The following FLNC variants were observed in gnomAD, a reference collection of about 807,000 sequenced individuals.
FLNC encodes filamin C, also known as filamin-C.
In FLNC, 91 loss-of-function variants were observed where a neutral mutation model predicts 254.3. That is an observed-to-expected ratio of 0.36 (90% CI 0.30 to 0.43). The LOEUF (loss-of-function observed/expected upper bound fraction) is 0.43. Ranked by LOEUF, FLNC falls within the 20% of genes least tolerant of loss-of-function variation. The pLI is 1.00. For synonymous variants in FLNC, 1,430 were observed against 1,577.2 expected (o/e 0.91, Z 2.21); for missense variants, 2,853 against 3,802.6 (o/e 0.75, Z 6.57).
Position 128,842,181 on chromosome 7 carries a change from G to A in FLNC, c.2122-50G>A, listed in dbSNP as rs771884346. The A allele has an allele frequency of 1.4e-5, 23 of 1,601,872 alleles. No homozygotes were observed. In the African/African-American group the frequency reaches 2.7e-4, roughly 19 times the overall value. On this transcript the variant is annotated intron_variant, in intron 13 of 47. Coordinates refer to ENST00000325888, the MANE Select transcript of FLNC (RefSeq NM_001458.5). The surrounding 1 kb of genome is among the most constrained non-coding windows in gnomAD (Gnocchi z 5.4). ...TGGGTTCACCTGCGGCCAGCAGAGG[G>A]CGCTCTGCAGAGGCCACAGCTATGA... is the stretch of plus-strand genomic sequence containing the variant.
intron 1 of FLNC, among the ~76,000 whole-genome samples, chr7:128,834,027 T>C (rs1416302886): frequency 6.6e-6 from 1 of 151,968 alleles, no homozygotes; most frequent in Non-Finnish European, 1.5e-5. Flanking sequence ...TTTCCCAGGC[T>C]CTCGGTCTCC....
At position 128,852,839 on chromosome 7, in the gene FLNC, A is replaced by T; in HGVS notation, c.6016A>T (p.Thr2006Ser). 1 of 1,613,528 alleles carries T rather than the reference A, an allele frequency of 6.2e-7. No individual in the cohort carries two copies. The highest frequency in any genetic ancestry group is 8.5e-7 in the Non-Finnish European group (1 of 1,179,972). The change falls in exon 37 of 48, where the codon ACC (threonine) becomes TCC (serine). Residue 2006 changes from threonine to serine, a missense_variant. Transcript: ENST00000325888. ...CCCACTTTCCACAGGGATCTCCTTC[A>T]CCCCCAAGGAGGTCGGGGAGCACGT... The part of the protein sequence containing the change: ...LPNRHIGISF[T>S]PKEVGEHVVS...
chr7:128,857,546 C>T lies in FLNC; in HGVS notation c.7780+210C>T, dbSNP rs1374768731. ...TGCCATTCTTCCTCTCCATCGTGGC[C>T]CCTCACTCCTTCAGCTCTGGCCTGC... On this transcript the variant is annotated intron_variant, in intron 46 of 47. Transcript: ENST00000325888. The surrounding 1 kb of genome is among the most constrained non-coding windows in gnomAD (Gnocchi z 4.5). Among the ~76,000 whole-genome samples, 16 of 150,938 alleles carry T rather than the reference C, an allele frequency of 1.1e-4. No homozygotes were observed. The highest frequency in any genetic ancestry group is 2.1e-4 in the Non-Finnish European group (14 of 68,000).
chr7:128,843,529 A>C lies in FLNC; in HGVS notation c.2763A>C (p.Ile921=). Residue 921 remains isoleucine, a synonymous_variant, in exon 18 of 48, where the codon ATA becomes ATC. Transcript: ENST00000325888. The part of the protein sequence containing the change: ...KGEVVRDFEI[I]DNHDYSYTVK... ...AGGTTGTGCGGGACTTTGAGATCAT[A>C]GACAACCATGACTACTCCTACACTG... The C allele has an allele frequency of 6.2e-7, 1 of 1,613,944 alleles. No individual in the cohort carries two copies. Among genetic ancestry groups the C allele is most frequent in the Non-Finnish European group, 8.5e-7 (1 of 1,180,012 alleles).
At chr7:128,848,766 G>C in intron 27 of FLNC, 27 bp from the exon 28 acceptor site, 1 of 1,614,112 alleles carries the variant, frequency 6.2e-7, no homozygotes, top group Non-Finnish European at 8.5e-7. Flanking sequence ...AGGCACAGGC[G>C]GGCCTTGACC....
In FLNC at chr7:128,857,110, GC is replaced by G; in HGVS notation, c.7562-3del. On this transcript the variant is annotated splice_polypyrimidine_tract_variant and splice_region_variant and intron_variant, in intron 45 of 47. Coordinates refer to ENST00000325888, the MANE Select transcript of FLNC (RefSeq NM_001458.5). The surrounding 1 kb of genome is among the most constrained non-coding windows in gnomAD (Gnocchi z 4.5). ...CCTGCCCTCAGCCTTGCTACCTCTG[GC>G]CCCCAGGTGTGTCATCAGAGTTCAT... is the stretch of plus-strand genomic sequence containing the variant. 2 of 1,613,622 alleles carry G rather than the reference GC, an allele frequency of 1.2e-6. No individual in the cohort carries two copies. Among genetic ancestry groups the G allele is most frequent in the Non-Finnish European group, 1.7e-6 (2 of 1,179,664 alleles).
rs1034483511 is a variant in FLNC at position 128,854,563 on chromosome 7, G to A, written c.6878G>A (p.Arg2293His). ...CCCCATACGGTCGCTGTCAAGTACC[G>A]TGGCCAGCACGTGCCCGGCAGCCCC... ...MGPHTVAVKYRGQHVPGSPFQ... is the reference protein window; with the variant it reads ...MGPHTVAVKYHGQHVPGSPFQ... Residue 2293 changes from arginine to histidine, a missense_variant, in exon 41 of 48, where the codon CGT becomes CAT. Physicochemically the swap from Arg to His is conservative, Grantham distance 29. Transcript: ENST00000325888. 6.2e-6 allele frequency: 10 copies of A among 1,608,556 alleles called. No homozygotes were observed. The highest frequency in any genetic ancestry group is 2.2e-5 in the East Asian group (1 of 44,680).
chr7:128,851,378 C>T lies in FLNC; in HGVS notation c.5668+18C>T, dbSNP rs540465449. ...TGGAGAAGGTGAGGGAGCTGCAGGT[C>T]GCAGGCTGGGGTGGAGACTCACCAG... On this transcript the variant is annotated intron_variant, in intron 34 of 47. Transcript: ENST00000325888. The T allele has an allele frequency of 6.1e-5, 98 of 1,614,056 alleles. No homozygotes were observed. Among genetic ancestry groups the T allele is most frequent in the Non-Finnish European group, 7.9e-5 (93 of 1,180,040 alleles).
chr7:128,849,903 G>T, intron 30 of FLNC, 73 bp from the exon 31 acceptor site: 1 of 1,088,128 alleles, frequency 9.2e-7, no homozygotes, highest in Admixed American at 1.9e-5. Context: ...TCAGGTTCCT[G>T]GGCCATTCTC....
At position 128,840,693 on chromosome 7, in the gene FLNC, C is replaced by T. The variant is rs768029188; in HGVS notation, c.1676+19C>T. On this transcript the variant is annotated intron_variant, in intron 10 of 47. Coordinates refer to ENST00000325888, the MANE Select transcript of FLNC (RefSeq NM_001458.5). ...CTCGCAGGTGAGTACCTTGCGCCCC[C>T]CATGCTGTCCTGTCTAGGCCATCAC... 1 of 1,612,684 alleles carries T rather than the reference C, an allele frequency of 6.2e-7. No individual in the cohort carries two copies. Among genetic ancestry groups the T allele is most frequent in the South Asian group, 1.1e-5 (1 of 91,040 alleles).
intron 10 of FLNC, 45 bp from the exon 11 acceptor site, chr7:128,840,789 T>TG (rs781393723): frequency 6.2e-7 from 1 of 1,613,448 alleles, no homozygotes. Context: ...CGAGGGACTT[T>TG]GGGGGGCACT....
intron 39 of FLNC, 62 bp downstream of exon 39, chr7:128,853,899 C>T: frequency 1.2e-6 from 2 of 1,612,984 alleles, no homozygotes; most frequent in South Asian, 1.1e-5. Flanking sequence ...CGGGCCAGAG[C>T]CCACCTGTCG....
rs1284254016 is a variant in FLNC, at chr7:128,838,201, G to A, written c.1048-66G>A. 4 of 1,556,618 alleles carry A rather than the reference G, an allele frequency of 2.6e-6. No individual in the cohort carries two copies. The African/African-American group carries it at 4.1e-5, about 16-fold the overall frequency. On this transcript the variant is annotated intron_variant, in intron 6 of 47. Transcript: ENST00000325888. ...GCCTCTCACCCTCCTTGGCCTGGCT[G>A]TGCCCCTCTGCCCCCTCTCAGGACT... is the stretch of plus-strand genomic sequence containing the variant.
At chr7:128,855,045 C>A in intron 42 of FLNC, 133 bp downstream of exon 42, 2 of 1,095,014 alleles carry the variant, frequency 1.8e-6, no homozygotes, top group African/African-American at 1.5e-5. Flanking sequence ...TCCTCTGCCC[C>A]GTCTCCCTCT....
Position 128,844,664 on chromosome 7 carries a change from G to T in FLNC, c.3199G>T (p.Ala1067Ser), listed in dbSNP as rs1180908608. 1 of 1,611,944 alleles carries T rather than the reference G, an allele frequency of 6.2e-7. No individual in the cohort carries two copies. Among genetic ancestry groups the T allele is most frequent in the Non-Finnish European group, 8.5e-7 (1 of 1,179,982 alleles). Residue 1067 changes from alanine (A) to serine (S), a missense_variant, in exon 21 of 48, where the codon GCT becomes TCT. Ala to Ser is a moderately conservative substitution (Grantham distance 99). Coordinates refer to ENST00000325888, the MANE Select transcript of FLNC (RefSeq NM_001458.5). ...AACCTGCCTCTTCCCCTAGGTCTGTGCTTATGGCCCGGGTCTCAAGGGTGG... is the reference window on the plus strand; with the variant it reads ...AACCTGCCTCTTCCCCTAGGTCTGTTCTTATGGCCCGGGTCTCAAGGGTGG... ...VLPPDPSKVC[A>S]YGPGLKGGLV...
At chr7:128,846,661 T>TTTCCTCCCTGTCCCCCC in intron 23 of FLNC, 84 bp from the exon 24 acceptor site, 1 of 1,465,596 alleles carries the variant, frequency 6.8e-7, no homozygotes, top group Non-Finnish European at 9.3e-7. Flanking sequence ...GCCTGCCCTC[T>TTTCCTCCCTGTCCCCCC]TTCCTCCCTG....
rs769865678 is a variant in FLNC, at chr7:128,844,024, C to G, written c.2950C>G (p.Gln984Glu). 1.2e-6 allele frequency: 2 copies of G among 1,614,138 alleles called. No homozygotes were observed. Among genetic ancestry groups the G allele is most frequent in the South Asian group, 1.1e-5 (1 of 91,082 alleles). Residue 984 changes from glutamine (Q) to glutamate (E), a missense_variant, in exon 20 of 48, where the codon CAA becomes GAA. By Grantham distance (29) the Gln-to-Glu change is conservative. Transcript: ENST00000325888. ...CGCAGAGGTGGCTGTGGGACAGGAA[C>G]AAGCATTCTCTGTGAACACACGAGG... ...LNSKVAVGQE[Q>E]AFSVNTRGAG...
rs572932306 is a variant in FLNC at position 128,830,439 on chromosome 7, A to G, written c.-199A>G. The G allele has an allele frequency of 8.6e-3, 5,136 of 595,076 alleles. 29 individuals carry two copies. The highest frequency in any genetic ancestry group is 8.9e-3 in the Non-Finnish European group (3,013 of 337,648). The allele number at this position is 595,076 out of a possible 1,614,324, so 36.9% of individuals were successfully genotyped here. A position where few individuals can be genotyped will look rare whatever the true frequency, so the allele number is the denominator to read the frequency against. ...CGAGCACCGCTCCGGCCCTGGAGGG[A>G]GAGAGAGCCAGAGAGCGGCCGAGCG... On this transcript the variant is annotated 5_prime_UTR_variant, in exon 1 of 48. Coordinates refer to ENST00000325888, the MANE Select transcript of FLNC (RefSeq NM_001458.5).
At position 128,841,291 on chromosome 7, in the gene FLNC, C is replaced by T. The variant is rs780521384; in HGVS notation, c.1935C>T (p.Asp645=). ...PGEYAVHVIC[D]DEDIRDSPFI... Reference sequence around the variant, plus strand: ...AGTACGCTGTGCACGTCATCTGTGACGATGAGGACATCCGAGACTCACCCT... The same window carrying T: ...AGTACGCTGTGCACGTCATCTGTGATGATGAGGACATCCGAGACTCACCCT... Residue 645 remains aspartate (D), a synonymous_variant, in exon 12 of 48, where the codon GAC becomes GAT. Coordinates refer to ENST00000325888, the MANE Select transcript of FLNC (RefSeq NM_001458.5). This position sits in a 1 kb window ranked among gnomAD's most constrained non-coding sequence, Gnocchi z 4.3. 8.1e-6 allele frequency: 13 copies of T among 1,613,696 alleles called. No individual in the cohort carries two copies. The highest frequency in any genetic ancestry group is 8.5e-6 in the Non-Finnish European group (10 of 1,179,718).
Sources: gnomAD v4.1 joint callset for allele counts (sites outside exome capture counted in the v4.1 genomes callset) on GRCh38, gnomAD v4.1.1 for gene constraint, Gnocchi (gnomAD v3.1) non-coding constraint, MANE v1.5 for transcripts, NCBI Gene and HGNC (gene_info 2026-07-23, HGNC 2026-07-21) for gene names.